FSHR: variants seen among roughly 807,000 people sequenced by gnomAD.
FSHR encodes the protein follicle-stimulating hormone receptor.
In FSHR, 46 loss-of-function variants were observed where a neutral mutation model predicts 52.1. The ratio of observed to expected loss-of-function variants is 0.88; its 90% CI spans 0.70 to 1.13. FSHR has a LOEUF of 1.13. Among genes scored for constraint, FSHR ranks in the 50% most tolerant of loss-of-function variants. The probability of loss-of-function intolerance (pLI) is 0.00; values close to 1 mark genes in which losing one functional copy is unlikely to be tolerated. For missense variants in FSHR, 964 were observed against 834.6 expected (o/e 1.16, Z -1.91); for synonymous variants, 399 against 309.6 (o/e 1.29, Z -3.03).
chr2:49,037,548 G>C (rs1470162016), intron 2 of FSHR, among the ~76,000 whole-genome samples: 1 of 151,870 alleles, frequency 6.6e-6, no homozygotes, highest in East Asian at 1.9e-4. Flanking sequence ...AAGAGATACA[G>C]AAAGATATAG....
chr2:49,032,967 C>G (rs554834097), intron 2 of FSHR, among the ~76,000 whole-genome samples: 1 of 152,306 alleles, frequency 6.6e-6, no homozygotes, highest in East Asian at 1.9e-4. Flanking sequence ...TTTATTACAT[C>G]AAATCCTTAC....
intron 2 of FSHR, among the ~76,000 whole-genome samples, chr2:49,021,874 TATATATATATATAGAGAGAGAG>T (rs1446957602): frequency 0.011 from 632 of 56,724 alleles, 11 homozygotes; most frequent in South Asian, 0.054. Flanking sequence ...TATATATATA[TATATATATATATAGAGAGAGAG>T]AGAGAGAGAG....
At chr2:49,033,158 ACAAT>A (rs1479809782) in intron 2 of FSHR, among the ~76,000 whole-genome samples, 1 of 152,188 alleles carries the variant, frequency 6.6e-6, no homozygotes, top group Non-Finnish European at 1.5e-5. Flanking sequence ...GCAATTGCTG[ACAAT>A]CAATATGATT....
intron 1 of FSHR, among the ~76,000 whole-genome samples, chr2:49,125,922 C>T (rs1219121983): frequency 1.3e-5 from 2 of 152,228 alleles, no homozygotes; most frequent in Non-Finnish European, 2.9e-5. Flanking sequence ...TATTTCTCCT[C>T]CTGGAGCAGG....
At chr2:48,992,219 A>T (rs750113103) in intron 4 of FSHR, among the ~76,000 whole-genome samples, 15 of 152,186 alleles carry the variant, frequency 9.9e-5, no homozygotes, top group Non-Finnish European at 2.2e-4. Flanking sequence ...TCTTTTCAGC[A>T]TAGAGGTCTA....
intron 2 of FSHR, among the ~76,000 whole-genome samples, chr2:49,046,499 T>C (rs1462578783): frequency 1.3e-5 from 2 of 152,204 alleles, no homozygotes; most frequent in African/African-American, 4.8e-5. Context: ...ATTAGAATGA[T>C]AGTAAGATTC....
intron 2 of FSHR, among the ~76,000 whole-genome samples, chr2:49,057,701 C>G (rs1669113227): frequency 1.3e-5 from 2 of 152,084 alleles, no homozygotes; most frequent in South Asian, 4.1e-4. Flanking sequence ...GCTCAGATAC[C>G]AGACAAGGAC....
intron 8 of FSHR, among the ~76,000 whole-genome samples, chr2:48,981,361 A>G (rs1437470522): frequency 1.3e-5 from 2 of 152,202 alleles, no homozygotes; most frequent in African/African-American, 4.8e-5. Flanking sequence ...GATGCTTAAA[A>G]ATTTATCTGA....
chr2:48,990,091 T>C (rs980146988), intron 5 of FSHR, among the ~76,000 whole-genome samples: 7 of 152,206 alleles, frequency 4.6e-5, no homozygotes, highest in Non-Finnish European at 1.0e-4. Context: ...CATTATATGC[T>C]ACCTTTTCTC....
At position 49,150,354 on chromosome 2, in the gene FSHR, A is replaced by G. The variant is rs1673017267; in HGVS notation, c.152+3912T>C. 2.0e-5 allele frequency among the ~76,000 whole-genome samples: 3 copies of G among 152,228 alleles called. No individual in the cohort carries two copies. The South Asian group carries it at 6.2e-4, about 32-fold the overall frequency. On this transcript the variant is annotated intron_variant, in intron 1 of 9. Coordinates refer to ENST00000406846, the MANE Select transcript of FSHR (RefSeq NM_000145.4). ...CTACCTCAGAGTTATAAAGATCTTT[A>G]TATCAATTTTCCAAAATCAGTCTCA... is the stretch of plus-strand genomic sequence containing the variant.
intron 1 of FSHR, among the ~76,000 whole-genome samples, chr2:49,087,688 T>C (rs1448048612): frequency 6.6e-6 from 1 of 151,878 alleles, no homozygotes; most frequent in Admixed American, 6.6e-5. Context: ...ATATGCATAG[T>C]TGGGTGGTAG....
rs373385869 is a variant in FSHR at position 48,982,992 on chromosome 2, G to A, written c.594-6C>T. ...TATTATTATCGCTTAGATTCCTGGG[G>A]ATGGGGTTGAGGAAAGAAGAAGGAA... On this transcript the variant is annotated splice_polypyrimidine_tract_variant and splice_region_variant and intron_variant, in intron 7 of 9. Coordinates refer to ENST00000406846, the MANE Select transcript of FSHR (RefSeq NM_000145.4). The A allele has an allele frequency of 9.3e-6, 15 of 1,613,372 alleles. No homozygotes were observed. The Admixed American group carries it at 1.8e-4, about 20-fold the overall frequency.
intron 6 of FSHR, among the ~76,000 whole-genome samples, chr2:48,987,837 AACACACACACACAC>A (rs72108367): frequency 6.8e-6 from 1 of 146,036 alleles, no homozygotes; most frequent in Non-Finnish European, 1.5e-5. Context: ...ACCTCATCTC[AACACACACACACAC>A]ACACACACAC....
chr2:48,964,068 ATTT>A, intron 9 of FSHR, 102 bp from the exon 10 acceptor site: 1 of 998,206 alleles, frequency 1.0e-6, no homozygotes, highest in South Asian at 1.7e-5. Flanking sequence ...TCTTCCTGAG[ATTT>A]TTTTTTTTTC....
chr2:49,146,419 C>T (rs1439364911), intron 1 of FSHR, among the ~76,000 whole-genome samples: 1 of 151,958 alleles, frequency 6.6e-6, no homozygotes, highest in Non-Finnish European at 1.5e-5. Context: ...AGACCTGTCC[C>T]CCTGTTTAGT....
At chr2:49,088,047 A>G (rs1428720601) in intron 1 of FSHR, among the ~76,000 whole-genome samples, 1 of 152,216 alleles carries the variant, frequency 6.6e-6, no homozygotes, top group Non-Finnish European at 1.5e-5. Flanking sequence ...GTAACTATCC[A>G]TACTTGTGTC....
intron 1 of FSHR, among the ~76,000 whole-genome samples, chr2:49,142,874 T>C (rs994358663): frequency 6.6e-6 from 1 of 152,150 alleles, no homozygotes; most frequent in Non-Finnish European, 1.5e-5. Context: ...TTTGGTGACA[T>C]GTGCGTTTAT....
In FSHR at chr2:49,035,427, A is replaced by G. The variant is rs574360064; in HGVS notation, c.225-15267T>C. 6.2e-4 allele frequency among the ~76,000 whole-genome samples: 94 copies of G among 152,296 alleles called. 1 individual carries two copies. Among genetic ancestry groups the G allele is most frequent in the African/African-American group, 2.3e-3 (94 of 41,566 alleles). On this transcript the variant is annotated intron_variant, in intron 2 of 9. Transcript: ENST00000406846. ...TCCAAGGGGCAAAGCCATGGAGTGT[A>G]ATTCCTCAGTGGTATCCTCTTCTCT...
chr2:49,038,666 A>G (rs1668381094), intron 2 of FSHR, among the ~76,000 whole-genome samples: 1 of 144,294 alleles, frequency 6.9e-6, no homozygotes, highest in East Asian at 2.0e-4. Context: ...TAATAATAAT[A>G]ATAATACTGG....
Sources: gnomAD v4.1 joint callset for allele counts (sites outside exome capture counted in the v4.1 genomes callset) on GRCh38, gnomAD v4.1.1 for gene constraint, MANE v1.5 for transcripts, NCBI Gene and HGNC (gene_info 2026-07-23, HGNC 2026-07-21) for gene names.